Variants in RTL4 observed in about 807,000 individuals in gnomAD.
RTL4 encodes retrotransposon Gag like 4.
Under a neutral mutation model 5.3 loss-of-function variants are expected in RTL4, and 4 were observed. The observed-to-expected ratio is 0.75, with a 90% CI of 0.37 to 1.72. RTL4 has a LOEUF of 1.72. RTL4 is among the 40% of genes most tolerant of loss of function. RTL4 has a pLI of 0.04. For missense variants in RTL4, 260 were observed against 227.1 expected, an observed-to-expected ratio of 1.14 and a Z score of -0.93; for synonymous variants, 98 against 87.3, an observed-to-expected ratio of 1.12 and a Z score of -0.68.
chrX:112,117,196 C>T, the RTL4 span, among the ~76,000 whole-genome samples: 4 of 107,915 alleles, frequency 3.7e-5, no homozygotes, highest in East Asian at 9.0e-4. Context: ...CTATTTACCA[C>T]ATAATCGTTA....
chrX:112,131,199 C>T, the RTL4 span, among the ~76,000 whole-genome samples: 2 of 92,623 alleles, frequency 2.2e-5, no homozygotes, highest in African/African-American at 8.2e-5. Context: ...AGAATAAAAA[C>T]ATCTAAGGTA....
the RTL4 span, among the ~76,000 whole-genome samples, chrX:112,337,901 G>A: frequency 9.0e-6 from 1 of 111,219 alleles, no homozygotes; most frequent in Non-Finnish European, 1.9e-5. Context: ...CTCCCACTGA[G>A]GCACTTGGAC....
chrX:112,277,840 G>A, the RTL4 span, among the ~76,000 whole-genome samples: 1 of 111,548 alleles, frequency 9.0e-6, no homozygotes, highest in African/African-American at 3.3e-5. Flanking sequence ...AGGAACATGG[G>A]ATTAAATAAA....
At chrX:112,094,426 C>T in the RTL4 span, among the ~76,000 whole-genome samples, 1 of 110,339 alleles carries the variant, frequency 9.1e-6, no homozygotes, top group Non-Finnish European at 1.9e-5. Context: ...TGTGAGACAT[C>T]CAAGGGGAGA....
the RTL4 span, among the ~76,000 whole-genome samples, chrX:112,361,862 G>A: frequency 9.0e-6 from 1 of 111,219 alleles, no homozygotes; most frequent in East Asian, 2.8e-4. Context: ...CCACTTCATG[G>A]CAACTATGAT....
chrX:112,310,369 CATATATATATATATATATAT>C, the RTL4 span, among the ~76,000 whole-genome samples: 26 of 4,357 alleles, frequency 6.0e-3, 1 homozygote, highest in Admixed American at 0.027. Flanking sequence ...CACCTTTATA[CATATATATATATATATATAT>C]ATATATATAT....
the RTL4 span, among the ~76,000 whole-genome samples, chrX:112,196,340 T>C: frequency 1.8e-5 from 2 of 111,707 alleles, no homozygotes; most frequent in African/African-American, 6.5e-5. Context: ...TGCTGAGTAG[T>C]AGTCCGTGGT....
At chrX:112,265,454 A>G in the RTL4 span, among the ~76,000 whole-genome samples, 2 of 111,981 alleles carry the variant, frequency 1.8e-5, no homozygotes, top group Non-Finnish European at 3.8e-5. Flanking sequence ...TGTTAAAACA[A>G]CTTCCATGAT....
the RTL4 span, among the ~76,000 whole-genome samples, chrX:112,204,606 A>G: frequency 1.8e-5 from 2 of 111,511 alleles, no homozygotes; most frequent in Non-Finnish European, 3.8e-5. Context: ...TATCTTTGGG[A>G]ACTAAAAATC....
At chrX:112,174,208 T>A in the RTL4 span, among the ~76,000 whole-genome samples, 1 of 101,775 alleles carries the variant, frequency 9.8e-6, no homozygotes, top group Non-Finnish European at 2.0e-5. Flanking sequence ...ATTAGGTATA[T>A]CTCCCAATGC....
the RTL4 span, among the ~76,000 whole-genome samples, chrX:112,351,530 A>G: frequency 0.31 from 31,849 of 102,730 alleles, 6,291 homozygotes; most frequent in African/African-American, 0.65. Flanking sequence ...CTCAGGACTT[A>G]CTTTATGAAT....
the RTL4 span, among the ~76,000 whole-genome samples, chrX:112,238,882 G>A: frequency 2.7e-5 from 3 of 111,601 alleles, no homozygotes; most frequent in Admixed American, 2.9e-4. Context: ...TAATGGAAAA[G>A]CTATCCCATC....
the RTL4 span, among the ~76,000 whole-genome samples, chrX:112,431,971 A>C: frequency 2.0e-5 from 2 of 100,261 alleles, no homozygotes; most frequent in African/African-American, 3.6e-5. Context: ...ATGAGTGAGA[A>C]TATGCGGTGT....
chrX:112,098,515 G>A, the RTL4 span, among the ~76,000 whole-genome samples: 2 of 111,382 alleles, frequency 1.8e-5, no homozygotes, highest in Non-Finnish European at 3.8e-5. Context: ...TCTAGTTCTA[G>A]ATCCCTGAGG....
the RTL4 span, among the ~76,000 whole-genome samples, chrX:112,370,195 G>A: frequency 8.6e-3 from 960 of 111,076 alleles, 16 homozygotes; most frequent in African/African-American, 0.03. Flanking sequence ...GACCCTGGGG[G>A]CCCCAGCATT....
chrX:112,135,935 C>T, the RTL4 span, among the ~76,000 whole-genome samples: 2 of 107,918 alleles, frequency 1.9e-5, no homozygotes, highest in African/African-American at 6.7e-5. Flanking sequence ...CTCTACTGGG[C>T]TCCATTGACC....
the RTL4 span, among the ~76,000 whole-genome samples, chrX:112,213,651 T>G: frequency 8.9e-6 from 1 of 112,117 alleles, no homozygotes; most frequent in Non-Finnish European, 1.9e-5. Context: ...AACATAAAAC[T>G]TACAGTGTTC....
At chrX:112,105,268 A>G in the RTL4 span, among the ~76,000 whole-genome samples, 1 of 111,760 alleles carries the variant, frequency 8.9e-6, no homozygotes, top group African/African-American at 3.2e-5. Context: ...TGCCAGTACC[A>G]TATTGTTTTG....
chrX:112,417,883 C>G, the RTL4 span, among the ~76,000 whole-genome samples: 23 of 112,037 alleles, frequency 2.1e-4, no homozygotes, highest in African/African-American at 7.4e-4. Context: ...TGTGGTGGCT[C>G]ACGCCTGTAA....
Sources: allele counts gnomAD v4.1 joint callset (sites outside exome capture counted in the v4.1 genomes callset), GRCh38; gene constraint gnomAD v4.1.1; transcripts MANE v1.5; gene names NCBI Gene and HGNC (gene_info 2026-07-23, HGNC 2026-07-21).